The following GAN variants were observed in gnomAD, a reference collection of about 807,000 sequenced individuals.
The protein encoded by GAN is epididymis secretory sperm binding protein.
In GAN, 48 loss-of-function variants were observed where a neutral mutation model predicts 71.3. The observed-to-expected ratio is 0.67, with a 90% CI of 0.53 to 0.86. The LOEUF (loss-of-function observed/expected upper bound fraction) is 0.86. GAN is among the 40% of genes least tolerant of loss of function. The probability of loss-of-function intolerance (pLI) is 0.00; values close to 1 mark genes in which losing one functional copy is unlikely to be tolerated. For missense variants in GAN, 928 were observed against 770.1 expected, an observed-to-expected ratio of 1.21 and a Z score of -2.43; for synonymous variants, 386 against 276.8, an observed-to-expected ratio of 1.39 and a Z score of -3.92.
At chr16:81,334,336 A>G (rs1909684085) in intron 1 of GAN, among the ~76,000 whole-genome samples, 1 of 152,192 alleles carries the variant, frequency 6.6e-6, no homozygotes, top group East Asian at 1.9e-4. Context: ...TCCATTGTGA[A>G]GGTGGGTCTC....
intron 7 of GAN, 92 bp downstream of exon 7, chr16:81,364,035 C>T: frequency 2.0e-6 from 2 of 988,238 alleles, no homozygotes; most frequent in Admixed American, 1.7e-5. Context: ...TTTAATATAA[C>T]TGATGGTGTT....
intron 1 of GAN, among the ~76,000 whole-genome samples, chr16:81,350,004 A>G (rs1910245474): frequency 6.6e-6 from 1 of 152,140 alleles, no homozygotes. Context: ...GAATATCTAG[A>G]TATAAGTTCT....
At position 81,334,776 on chromosome 16, in the gene GAN, A is replaced by G. The variant is rs190119502; in HGVS notation, c.168-16807A>G. Among the ~76,000 whole-genome samples, 3 of 152,300 alleles carry G rather than the reference A, an allele frequency of 2.0e-5. No individual in the cohort carries two copies. In the East Asian group the frequency reaches 5.8e-4, roughly 29 times the overall value. The stretch of plus-strand genomic sequence containing the variant: ...CTCAGCCGGTTCATGATGCCATTCT[A>G]AACAGTGTGGTCGTTTGACTTCAGA... On this transcript the variant is annotated intron_variant, in intron 1 of 10. Transcript: ENST00000648994.
At chr16:81,345,324 C>T (rs1303414028) in intron 1 of GAN, among the ~76,000 whole-genome samples, 4 of 152,134 alleles carry the variant, frequency 2.6e-5, no homozygotes, top group Non-Finnish European at 5.9e-5. Context: ...CGGCACTATT[C>T]ACAATAGCAA....
In GAN at chr16:81,362,196, C is replaced by T. The variant is rs2608552; in HGVS notation, c.974-303C>T. Among the ~76,000 whole-genome samples the T allele has an allele frequency of 0.9, 136,388 of 152,112 alleles. 61,248 individuals are homozygous for T. Among genetic ancestry groups the T allele is most frequent in the East Asian group, 0.99 (5,120 of 5,174 alleles). On this transcript the variant is annotated intron_variant, in intron 5 of 10. Transcript: ENST00000648994. ...GAGAATCCCAGAGGCTGAGAGGGAA[C>T]AGAAGAGATGAATTGAGATGGCCCA...
rs117823702 is a variant in GAN, at chr16:81,319,687, G to A, written c.167+4407G>A. 6.2e-3 allele frequency among the ~76,000 whole-genome samples: 939 copies of A among 152,256 alleles called. 6 individuals carry two copies. The highest frequency in any genetic ancestry group is 0.012 in the Non-Finnish European group (787 of 68,026). ...TTAGATCCTTTGATGAGTCAGCTAAGAATGTAAGTGGCTTCCCCCCGACCC... is the reference window on the plus strand; with the variant it reads ...TTAGATCCTTTGATGAGTCAGCTAAAAATGTAAGTGGCTTCCCCCCGACCC... On this transcript the variant is annotated intron_variant, in intron 1 of 10. Transcript: ENST00000648994.
chr16:81,321,688 T>A (rs930670277), intron 1 of GAN, among the ~76,000 whole-genome samples: 4 of 152,216 alleles, frequency 2.6e-5, no homozygotes, highest in Non-Finnish European at 5.9e-5. Context: ...GTGAGTGCCA[T>A]GCAATAAGTT....
At chr16:81,325,767 G>A (rs1310130109) in intron 1 of GAN, among the ~76,000 whole-genome samples, 1 of 152,204 alleles carries the variant, frequency 6.6e-6, no homozygotes, top group Non-Finnish European at 1.5e-5. Context: ...TTTTGAGCCT[G>A]GCTGCCTAGG....
intron 1 of GAN, among the ~76,000 whole-genome samples, chr16:81,316,244 G>T (rs994769415): frequency 5.9e-5 from 9 of 152,106 alleles, no homozygotes; most frequent in African/African-American, 2.2e-4. Context: ...CCAGTAAGCT[G>T]GTTAAATATA....
intron 1 of GAN, among the ~76,000 whole-genome samples, chr16:81,336,598 G>T: frequency 6.6e-6 from 1 of 151,414 alleles, no homozygotes; most frequent in Middle Eastern, 3.2e-3. Context: ...TAATTAGCTA[G>T]GACCACAGGT....
At chr16:81,331,417 G>T (rs1464119497) in intron 1 of GAN, among the ~76,000 whole-genome samples, 1 of 152,142 alleles carries the variant, frequency 6.6e-6, no homozygotes, top group Non-Finnish European at 1.5e-5. Context: ...TAAAGCATGT[G>T]GTTTAATTAG....
At chr16:81,369,687 G>C (rs1004347580) in intron 9 of GAN, among the ~76,000 whole-genome samples, 4 of 152,152 alleles carry the variant, frequency 2.6e-5, no homozygotes, top group African/African-American at 9.7e-5. Flanking sequence ...CACCTGCCGG[G>C]TTCACACCAT....
Position 81,365,012 on chromosome 16 carries a change from C to A in GAN, c.1275C>A (p.Ala425=). The A allele has an allele frequency of 6.2e-7, 1 of 1,613,818 alleles. No homozygotes were observed. The highest frequency in any genetic ancestry group is 8.5e-7 in the Non-Finnish European group (1 of 1,179,746). The part of the protein sequence containing the change: ...CYAAMKKKIY[A]MGGGSYGKLF... Reference sequence around the variant, plus strand: ...CAGCTATGAAAAAGAAAATCTACGCCATGGGTGGAGGCTCCTACGGAAAGC... The same window carrying A: ...CAGCTATGAAAAAGAAAATCTACGCAATGGGTGGAGGCTCCTACGGAAAGC... Residue 425 remains alanine (A), a synonymous_variant, in exon 8 of 11, where the codon GCC becomes GCA. Transcript: ENST00000648994.
In GAN at chr16:81,387,250, G is replaced by GA. The variant is rs1212282770; in HGVS notation, c.*9660dup. On this transcript the variant is annotated 3_prime_UTR_variant, in exon 11 of 11. Coordinates refer to ENST00000648994, the MANE Select transcript of GAN (RefSeq NM_022041.4). Reference sequence around the variant, plus strand: ...AAGCACGTTGCTATATGAAATTTCAGAAAAAAGTTTTGTTGCGGGGGGTGG... The same window carrying GA: ...AAGCACGTTGCTATATGAAATTTCAGAAAAAAAGTTTTGTTGCGGGGGGTGG... The GA allele has an allele frequency of 6.6e-6, 1 of 152,144 alleles. No homozygotes were observed. The highest frequency in any genetic ancestry group is 1.5e-5 in the Non-Finnish European group (1 of 68,030). 9.4% of individuals were successfully genotyped at this position (152,144 alleles called of 1,614,324 possible). A position where few individuals can be genotyped will look rare whatever the true frequency, so the allele number is the denominator to read the frequency against.
At chr16:81,359,923 T>A (rs1910616700) in intron 5 of GAN, among the ~76,000 whole-genome samples, 1 of 152,246 alleles carries the variant, frequency 6.6e-6, no homozygotes, top group South Asian at 2.1e-4. Context: ...ATTTTCGGAC[T>A]GCAGTTGACC....
chr16:81,350,514 C>A (rs1910264352), intron 1 of GAN, among the ~76,000 whole-genome samples: 1 of 124,462 alleles, frequency 8.0e-6, no homozygotes, highest in African/African-American at 2.9e-5. Flanking sequence ...TATTTACTTA[C>A]TTAATTTTTT....
Position 81,386,924 on chromosome 16 carries a change from A to G in GAN, c.*9328A>G, listed in dbSNP as rs35385837. 0.052 allele frequency: 7,894 copies of G among 152,384 alleles called. 235 individuals are homozygous for G. The highest frequency in any genetic ancestry group is 0.12 in the East Asian group (630 of 5,186). The allele number at this position is 152,384 out of a possible 1,614,324, so 9.4% of individuals were successfully genotyped here. A position where few individuals can be genotyped will look rare whatever the true frequency, so the allele number is the denominator to read the frequency against. On this transcript the variant is annotated 3_prime_UTR_variant, in exon 11 of 11. Transcript: ENST00000648994. ...TGGTGCCGTTGCACTCCAGCCGGGC[A>G]ACAAGGGCTAAACTCCATCTCAAAA... is the stretch of plus-strand genomic sequence containing the variant.
chr16:81,325,838 T>C (rs1909367112), intron 1 of GAN, among the ~76,000 whole-genome samples: 1 of 152,276 alleles, frequency 6.6e-6, no homozygotes, highest in African/African-American at 2.4e-5. Context: ...CATTGCTGTT[T>C]AAACACCTTA....
Position 81,356,796 on chromosome 16 carries a change from G to A in GAN, c.645G>A (p.Lys215=), listed in dbSNP as rs1460955349. 6.2e-7 allele frequency: 1 copy of A among 1,610,476 alleles called. No homozygotes were observed. Among genetic ancestry groups the A allele is most frequent in the East Asian group, 2.2e-5 (1 of 44,866 alleles). Residue 215 remains lysine, a synonymous_variant, in exon 4 of 11, where the codon AAG becomes AAA. Transcript: ENST00000648994. The part of the protein sequence containing the change: ...HDTEIRKVHM[K]DVMSALWVSG... ...TCCCTCTTCTGCAGGTCCACATGAA[G>A]GATGTTATGTCAGCTCTGTGGGTTT...
Sources: gnomAD v4.1 joint callset for allele counts (sites outside exome capture counted in the v4.1 genomes callset) on GRCh38, gnomAD v4.1.1 for gene constraint, MANE v1.5 for transcripts, NCBI Gene and HGNC (gene_info 2026-07-23, HGNC 2026-07-21) for gene names.